Variants in GDPD1 observed in about 807,000 individuals in gnomAD.
GDPD1 encodes lysophospholipase D GDPD1.
Under a neutral mutation model 45.1 loss-of-function variants are expected in GDPD1, and 28 were observed. The observed-to-expected ratio is 0.62, with a 90% CI of 0.46 to 0.85. The LOEUF (loss-of-function observed/expected upper bound fraction) is 0.85. Ranked by LOEUF, GDPD1 falls within the 40% of genes least tolerant of loss-of-function variation. The probability of loss-of-function intolerance (pLI) is 0.00; values close to 1 mark genes in which losing one functional copy is unlikely to be tolerated. For missense variants in GDPD1, 256 were observed against 364.8 expected, an observed-to-expected ratio of 0.70 and a Z score of 2.43; for synonymous variants, 139 against 131.4, an observed-to-expected ratio of 1.06 and a Z score of -0.40.
At chr17:59,261,464 T>A (rs1466155569) in intron 6 of GDPD1, among the ~76,000 whole-genome samples, 4 of 152,054 alleles carry the variant, frequency 2.6e-5, no homozygotes, top group Admixed American at 2.6e-4. Flanking sequence ...AACCTATAAA[T>A]GATTTTTTTT....
At chr17:59,268,590 A>AAAG (rs1335327321) in intron 7 of GDPD1, among the ~76,000 whole-genome samples, 1 of 144,518 alleles carries the variant, frequency 6.9e-6, no homozygotes, top group Non-Finnish European at 1.5e-5. Context: ...AAAAAAAAAA[A>AAAG]AAAAAAAAAA....
chr17:59,247,582 T>C (rs1244060420), intron 3 of GDPD1, among the ~76,000 whole-genome samples: 2 of 152,196 alleles, frequency 1.3e-5, no homozygotes, highest in Non-Finnish European at 2.9e-5. Context: ...CTTCGATTGA[T>C]GGACATTGGA....
intron 2 of GDPD1, among the ~76,000 whole-genome samples, chr17:59,238,055 G>A (rs1295044651): frequency 6.6e-6 from 1 of 150,632 alleles, no homozygotes; most frequent in African/African-American, 2.4e-5. Flanking sequence ...GATCACCTGA[G>A]GTCGGGAGTT....
At chr17:59,246,426 C>T (rs1378274690) in intron 3 of GDPD1, among the ~76,000 whole-genome samples, 2 of 151,860 alleles carry the variant, frequency 1.3e-5, no homozygotes, top group Non-Finnish European at 2.9e-5. Context: ...CGAGACTAGC[C>T]TGGCCAACAT....
At chr17:59,262,305 A>ACT (rs1031164987) in intron 6 of GDPD1, among the ~76,000 whole-genome samples, 7 of 152,270 alleles carry the variant, frequency 4.6e-5, no homozygotes, top group African/African-American at 1.7e-4. Context: ...GTTTATAGCA[A>ACT]CTTTATTCAT....
chr17:59,248,834 T>C (rs1356437839), intron 4 of GDPD1, 49 bp downstream of exon 4: 1 of 1,319,146 alleles, frequency 7.6e-7, no homozygotes, highest in Admixed American at 1.9e-5. Context: ...GAAGCATATG[T>C]GTGTTTTCTT....
chr17:59,237,386 G>A (rs1332344684), intron 2 of GDPD1, among the ~76,000 whole-genome samples: 1 of 152,108 alleles, frequency 6.6e-6, no homozygotes, highest in Non-Finnish European at 1.5e-5. Context: ...GAGTGACAGA[G>A]CCAGACCTTG....
chr17:59,269,856 A>G (rs2047431577), intron 7 of GDPD1, among the ~76,000 whole-genome samples: 1 of 152,136 alleles, frequency 6.6e-6, no homozygotes, highest in South Asian at 2.1e-4. Flanking sequence ...TTCCTAAAGT[A>G]CTTAGCTTTC....
intron 6 of GDPD1, among the ~76,000 whole-genome samples, chr17:59,266,227 A>G (rs1231691659): frequency 6.6e-6 from 1 of 151,620 alleles, no homozygotes; most frequent in Non-Finnish European, 1.5e-5. Flanking sequence ...TCTCTACTAA[A>G]ACTACAAAAA....
chr17:59,246,303 A>G (rs1438198829), intron 3 of GDPD1, among the ~76,000 whole-genome samples: 1 of 151,768 alleles, frequency 6.6e-6, no homozygotes, highest in African/African-American at 2.4e-5. Flanking sequence ...ATGTATATTG[A>G]ATTTTAGACA....
At chr17:59,234,276 G>A (rs2047114213) in intron 1 of GDPD1, among the ~76,000 whole-genome samples, 1 of 151,770 alleles carries the variant, frequency 6.6e-6, no homozygotes, top group Non-Finnish European at 1.5e-5. Context: ...GTGTGAACTC[G>A]GGAGGCGGAG....
At chr17:59,226,320 G>C (rs1467393877) in intron 1 of GDPD1, among the ~76,000 whole-genome samples, 1 of 151,728 alleles carries the variant, frequency 6.6e-6, no homozygotes, top group Non-Finnish European at 1.5e-5. Flanking sequence ...TCCAGTAAAG[G>C]GTTATCTAAC....
intron 6 of GDPD1, among the ~76,000 whole-genome samples, chr17:59,261,876 C>T (rs954361315): frequency 6.7e-6 from 1 of 148,234 alleles, no homozygotes; most frequent in African/African-American, 2.5e-5. Flanking sequence ...TCAAGCAATC[C>T]TCTTGTCTCG....
chr17:59,248,705 G>C (rs1489950393), intron 3 of GDPD1, 35 bp from the exon 4 acceptor site: 1 of 1,453,760 alleles, frequency 6.9e-7, no homozygotes, highest in Non-Finnish European at 9.5e-7. Context: ...TATTTTTTGA[G>C]AGTTAACTTT....
At chr17:59,256,955 G>A (rs960867104) in intron 4 of GDPD1, among the ~76,000 whole-genome samples, 167 bp from the exon 5 acceptor site, 8 of 151,932 alleles carry the variant, frequency 5.3e-5, no homozygotes, top group African/African-American at 1.9e-4. Flanking sequence ...TACACCAGAT[G>A]GTCATAGCAT....
At chr17:59,245,757 G>A (rs1203804037) in intron 3 of GDPD1, among the ~76,000 whole-genome samples, 1 of 152,110 alleles carries the variant, frequency 6.6e-6, no homozygotes, top group Non-Finnish European at 1.5e-5. Context: ...GGCTGAGATG[G>A]GAGGATTGTT....
intron 1 of GDPD1, among the ~76,000 whole-genome samples, chr17:59,225,816 G>A (rs995667934): frequency 1.3e-5 from 2 of 151,986 alleles, no homozygotes; most frequent in Non-Finnish European, 2.9e-5. Context: ...CCACCTCTAG[G>A]GTTCAAGTGA....
intron 4 of GDPD1, among the ~76,000 whole-genome samples, chr17:59,254,592 T>C (rs1317669462): frequency 6.6e-6 from 1 of 152,172 alleles, no homozygotes; most frequent in Non-Finnish European, 1.5e-5. Context: ...AGTTTAATTA[T>C]GTAGCCTATG....
rs553138290 is a variant in GDPD1, at chr17:59,267,677, T to G, written c.710+503T>G. Among the ~76,000 whole-genome samples the G allele has an allele frequency of 7.2e-5, 11 of 151,936 alleles. No individual in the cohort carries two copies. The South Asian group carries it at 1.2e-3, about 17-fold the overall frequency. Reference sequence around the variant, plus strand: ...CTGTTTTTATAGTGGTTTTTTGTTTTTTTTTTTTTGAGATGGAGTTTTGCT... The same window carrying G: ...CTGTTTTTATAGTGGTTTTTTGTTTGTTTTTTTTTGAGATGGAGTTTTGCT... On this transcript the variant is annotated intron_variant, in intron 7 of 9. Coordinates refer to ENST00000284116, the MANE Select transcript of GDPD1 (RefSeq NM_182569.4).
Sources: gnomAD v4.1 joint callset for allele counts (sites outside exome capture counted in the v4.1 genomes callset) on GRCh38, gnomAD v4.1.1 for gene constraint, MANE v1.5 for transcripts, NCBI Gene and HGNC (gene_info 2026-07-23, HGNC 2026-07-21) for gene names.